Variants in KATNBL1 observed in about 807,000 individuals in gnomAD.
The protein encoded by KATNBL1 is katanin regulatory subunit B1 like 1, also known as KATNB1-like protein 1.
KATNBL1 carries 28 observed loss-of-function variants against 44.7 expected under a neutral mutation model. The observed-to-expected ratio is 0.63, with a 90% CI of 0.46 to 0.86. KATNBL1 has a LOEUF of 0.86. KATNBL1 is among the 40% of genes least tolerant of loss of function. The pLI, the probability that KATNBL1 is intolerant of heterozygous loss-of-function variation, is 0.00. For synonymous variants in KATNBL1, 78 were observed against 114.9 expected, an observed-to-expected ratio of 0.68 and a Z score of 2.06; for missense variants, 272 against 350.7, an observed-to-expected ratio of 0.78 and a Z score of 1.79.
At chr15:34,193,800 CA>C (rs1289513131) in intron 1 of KATNBL1, among the ~76,000 whole-genome samples, 1 of 123,004 alleles carries the variant, frequency 8.1e-6, no homozygotes, top group Non-Finnish European at 1.6e-5. Flanking sequence ...TGCAGTGAGC[CA>C]AAATTGCACC....
chr15:34,143,259 G>C (rs965735769), intron 9 of KATNBL1, among the ~76,000 whole-genome samples: 2 of 151,862 alleles, frequency 1.3e-5, no homozygotes, highest in Non-Finnish European at 2.9e-5. Context: ...TGGGTCACTT[G>C]AGGTCAGGAG....
intron 1 of KATNBL1, among the ~76,000 whole-genome samples, chr15:34,203,699 CTT>C: frequency 1.3e-5 from 2 of 152,166 alleles, no homozygotes; most frequent in South Asian, 4.1e-4. Context: ...TCTATTTTTT[CTT>C]TTTTTGAGAT....
intron 1 of KATNBL1, among the ~76,000 whole-genome samples, chr15:34,181,549 CATAT>C (rs1229934521): frequency 1.4e-5 from 2 of 139,916 alleles, no homozygotes; most frequent in African/African-American, 5.2e-5. Context: ...CCAGCATATA[CATAT>C]ATATGTCCAT....
intron 7 of KATNBL1, 60 bp downstream of exon 7, chr15:34,147,140 A>T (rs1162345640): frequency 9.3e-7 from 1 of 1,075,298 alleles, no homozygotes. Context: ...TGTACTCACA[A>T]AGCACAAAAT....
chr15:34,172,081 AAAAT>A (rs1255240356), intron 1 of KATNBL1, among the ~76,000 whole-genome samples: 2 of 152,112 alleles, frequency 1.3e-5, no homozygotes, highest in East Asian at 1.9e-4. Context: ...TAAAGAATAA[AAAAT>A]AAATAAAGAA....
chr15:34,148,458 TG>T, intron 5 of KATNBL1, 173 bp downstream of exon 5: 1 of 470,756 alleles, frequency 2.1e-6, no homozygotes, highest in Admixed American at 3.8e-5. Context: ...TGTGGTGATG[TG>T]CACCTGTACT....
chr15:34,150,322 G>A (rs906406837), intron 4 of KATNBL1, among the ~76,000 whole-genome samples: 2 of 152,324 alleles, frequency 1.3e-5, no homozygotes, highest in East Asian at 1.9e-4. Context: ...CAGGCACAGT[G>A]GCTCACACCT....
At position 34,178,481 on chromosome 15, in the gene KATNBL1, G is replaced by C. The variant is rs189491436; in HGVS notation, c.-14-14791C>G. Among the ~76,000 whole-genome samples, 642 of 152,234 alleles carry C rather than the reference G, an allele frequency of 4.2e-3. 3 individuals are homozygous for C. Among genetic ancestry groups the C allele is most frequent in the Non-Finnish European group, 7.1e-3 (480 of 68,014 alleles). ...TTTCTTCAAGAATTTCAATGGGCCGGGCGTGGTGGCTCTCACCTGTAATCT... is the reference window on the plus strand; with the variant it reads ...TTTCTTCAAGAATTTCAATGGGCCGCGCGTGGTGGCTCTCACCTGTAATCT... On this transcript the variant is annotated intron_variant, in intron 1 of 9. Transcript: ENST00000256544.
intron 1 of KATNBL1, among the ~76,000 whole-genome samples, chr15:34,169,929 AATCAT>A (rs1889106698): frequency 6.6e-6 from 1 of 152,128 alleles, no homozygotes; most frequent in African/African-American, 2.4e-5. Flanking sequence ...GGTACTGAAG[AATCAT>A]ATCTCAAAAT....
chr15:34,181,667 C>CAT (rs199717503), intron 1 of KATNBL1, among the ~76,000 whole-genome samples: 1 of 95,364 alleles, frequency 1.0e-5, no homozygotes, highest in South Asian at 3.5e-4. Flanking sequence ...TATATATATC[C>CAT]ATATATATAC....
chr15:34,161,231 G>A (rs1185096124), intron 2 of KATNBL1, among the ~76,000 whole-genome samples: 1 of 152,178 alleles, frequency 6.6e-6, no homozygotes, highest in African/African-American at 2.4e-5. Flanking sequence ...CTATGCACAG[G>A]GTTACCTGGT....
intron 7 of KATNBL1, 154 bp from the exon 8 acceptor site, chr15:34,147,004 T>C (rs1224756916): frequency 1.4e-5 from 9 of 643,070 alleles, no homozygotes; most frequent in Non-Finnish European, 2.2e-5. Context: ...CAAAAGTATA[T>C]TTCATGTAAT....
chr15:34,155,748 T>G (rs1888618371), intron 2 of KATNBL1, among the ~76,000 whole-genome samples: 3 of 152,210 alleles, frequency 2.0e-5, no homozygotes, highest in African/African-American at 7.2e-5. Context: ...CAGCTATTCC[T>G]TTAACAGCAT....
At position 34,145,463 on chromosome 15, in the gene KATNBL1, T is replaced by C. The variant is rs1322631802; in HGVS notation, c.817A>G (p.Ser273Gly). The change falls in exon 9 of 10, where the codon AGT (serine) becomes GGT (glycine). Residue 273 changes from serine (S) to glycine (G), a missense_variant. Ser to Gly is a moderately conservative substitution (Grantham distance 56, BLOSUM62 0). Around this residue, in one of 3 missense-constraint regions of KATNBL1, gnomAD observed 39 missense variants for 76.3 expected, o/e 0.51. Coordinates refer to ENST00000256544, the MANE Select transcript of KATNBL1 (RefSeq NM_024713.3). ...TGGTTTTCCTGTTCCCATAATCCAC[T>C]TAATTGTTGTTTTAAAATTTGAATA... ...GNIQILKQQLSGLWEQENHLT... is the reference protein window; with the variant it reads ...GNIQILKQQLGGLWEQENHLT... 1 of 1,454,900 alleles carries C rather than the reference T, an allele frequency of 6.9e-7. No individual in the cohort carries two copies. The highest frequency in any genetic ancestry group is 9.0e-7 in the Non-Finnish European group (1 of 1,108,720). The allele number at this position is 1,454,900 out of a possible 1,614,324, so 90.1% of individuals were successfully genotyped here.
At chr15:34,152,300 A>T (rs941816268) in intron 4 of KATNBL1, among the ~76,000 whole-genome samples, 1 of 151,752 alleles carries the variant, frequency 6.6e-6, no homozygotes, top group Non-Finnish European at 1.5e-5. Flanking sequence ...TCCCGGGTTC[A>T]AGCGATTCTC....
chr15:34,172,369 G>A (rs1048963547), intron 1 of KATNBL1, among the ~76,000 whole-genome samples: 2 of 142,758 alleles, frequency 1.4e-5, no homozygotes, highest in East Asian at 4.3e-4. Flanking sequence ...TGATTCTCCT[G>A]CCTCAGCCTC....
intron 1 of KATNBL1, among the ~76,000 whole-genome samples, chr15:34,196,499 G>A (rs1890033514): frequency 6.6e-6 from 1 of 152,128 alleles, no homozygotes; most frequent in African/African-American, 2.4e-5. Context: ...AGGCCAAGGT[G>A]GGTGGATCAC....
At chr15:34,158,785 C>T (rs966978702) in intron 2 of KATNBL1, among the ~76,000 whole-genome samples, 2 of 152,194 alleles carry the variant, frequency 1.3e-5, no homozygotes. Flanking sequence ...TCTACTTCTG[C>T]AAGGAGTTCC....
chr15:34,205,141 G>C (rs189867537), intron 1 of KATNBL1, among the ~76,000 whole-genome samples: 1 of 152,060 alleles, frequency 6.6e-6, no homozygotes, highest in Non-Finnish European at 1.5e-5. Flanking sequence ...CTACAGGTGT[G>C]CACCACCACA....
Sources: gnomAD v4.1 joint callset for allele counts (sites outside exome capture counted in the v4.1 genomes callset) on GRCh38, gnomAD v4.1.1 for gene constraint, gnomAD v4.1.1 regional missense constraint, MANE v1.5 for transcripts, NCBI Gene and HGNC (gene_info 2026-07-23, HGNC 2026-07-21) for gene names.